The following RBFOX1 variants were observed in gnomAD, a reference collection of about 807,000 sequenced individuals.
RBFOX1 encodes the protein RNA binding protein fox-1 homolog 1.
RBFOX1 carries 8 observed loss-of-function variants against 57.7 expected under a neutral mutation model. The observed-to-expected ratio is 0.14, with a 90% confidence interval of 0.08 to 0.25. The LOEUF (loss-of-function observed/expected upper bound fraction) is 0.25, where lower values mean the gene tolerates loss of function less well. RBFOX1 is among the 10% of genes least tolerant of loss of function. RBFOX1 has a pLI of 1.00. For missense variants in RBFOX1, 611 were observed against 548.5 expected (o/e 1.11, Z -1.14); for synonymous variants, 326 against 222.4 (o/e 1.47, Z -4.15).
At chr16:6,924,026 C>CG (rs2075046609) in intron 3 of RBFOX1, among the ~76,000 whole-genome samples, 1 of 151,768 alleles carries the variant, frequency 6.6e-6, no homozygotes, top group Non-Finnish European at 1.5e-5. Context: ...AAACATTAGT[C>CG]AGGTATGGTG....
At chr16:5,447,683 A>G (rs1258897176) in intron 1 of RBFOX1, among the ~76,000 whole-genome samples, 3 of 152,194 alleles carry the variant, frequency 2.0e-5, no homozygotes, top group African/African-American at 7.2e-5. Context: ...GGCATGAGCC[A>G]CCGTGCCCGG....
chr16:5,327,414 A>T (rs1239514220), intron 1 of RBFOX1, among the ~76,000 whole-genome samples: 1 of 152,238 alleles, frequency 6.6e-6, no homozygotes, highest in African/African-American at 2.4e-5. Context: ...TTAAAATAGG[A>T]TGCATGCTTT....
intron 4 of RBFOX1, among the ~76,000 whole-genome samples, chr16:7,366,545 C>T (rs2097452809): frequency 1.3e-5 from 2 of 152,168 alleles, no homozygotes; most frequent in African/African-American, 2.4e-5. Context: ...CTCCCTGGTC[C>T]AACCATGGAG....
intron 4 of RBFOX1, among the ~76,000 whole-genome samples, chr16:7,248,306 C>A (rs1218062694): frequency 1.3e-5 from 2 of 152,210 alleles, no homozygotes; most frequent in South Asian, 4.1e-4. Context: ...ACTGCTCACT[C>A]CCTTCCTTGT....
At chr16:6,905,399 A>G (rs2069596380) in intron 3 of RBFOX1, among the ~76,000 whole-genome samples, 1 of 152,052 alleles carries the variant, frequency 6.6e-6, no homozygotes, top group East Asian at 1.9e-4. Flanking sequence ...CTAAAAATAC[A>G]AAAATTAACT....
chr16:5,663,821 A>C (rs141864736), intron 3 of RBFOX1, among the ~76,000 whole-genome samples: 1 of 152,208 alleles, frequency 6.6e-6, no homozygotes, highest in Non-Finnish European at 1.5e-5. Flanking sequence ...CGTCAAAGAC[A>C]TTCAAAAGGC....
intron 4 of RBFOX1, among the ~76,000 whole-genome samples, chr16:7,206,068 A>G (rs1479440686): frequency 3.9e-5 from 6 of 152,196 alleles, no homozygotes; most frequent in African/African-American, 1.4e-4. Context: ...GACTGACACT[A>G]GGAACTCAGT....
intron 4 of RBFOX1, among the ~76,000 whole-genome samples, chr16:7,154,030 G>A (rs1472498473): frequency 2.6e-5 from 4 of 152,132 alleles, no homozygotes; most frequent in African/African-American, 9.7e-5. Flanking sequence ...TATCATAGTT[G>A]TTTTTGTTAC....
chr16:6,701,714 G>C (rs531304361), intron 3 of RBFOX1, among the ~76,000 whole-genome samples: 2 of 152,274 alleles, frequency 1.3e-5, no homozygotes, highest in Non-Finnish European at 2.9e-5. Context: ...ATGCCCATCA[G>C]CAGTAGACTG....
intron 1 of RBFOX1, among the ~76,000 whole-genome samples, chr16:6,192,563 C>T (rs776671069): frequency 6.6e-6 from 1 of 152,088 alleles, no homozygotes; most frequent in East Asian, 1.9e-4. Flanking sequence ...TAAGGATGGT[C>T]ACTAAGCATC....
rs1433086350 is a variant in RBFOX1 at position 6,864,538 on chromosome 16, C to T, written c.-15-187519C>T. Among the ~76,000 whole-genome samples, 10 of 147,988 alleles carry T rather than the reference C, an allele frequency of 6.8e-5. No individual in the cohort carries two copies. The Admixed American group carries it at 6.8e-4, about 10-fold the overall frequency. On this transcript the variant is annotated intron_variant, in intron 3 of 15. Transcript: ENST00000550418. Reference sequence around the variant, plus strand: ...ATTTAGTTTTAAACCCCCCTATTCTCTCCTTCCTCTTTTTTTTTTTTTTTT... The same window carrying T: ...ATTTAGTTTTAAACCCCCCTATTCTTTCCTTCCTCTTTTTTTTTTTTTTTT...
At position 5,748,769 on chromosome 16, in the gene RBFOX1, C is replaced by T. The variant is rs534776126; in HGVS notation, c.319-118534C>T. Among the ~76,000 whole-genome samples, 7 of 152,214 alleles carry T rather than the reference C, an allele frequency of 4.6e-5. 1 individual carries two copies. Among genetic ancestry groups the T allele is most frequent in the Admixed American group, 4.6e-4 (7 of 15,288 alleles). ...TATTTTGAGCCTATGTGTGTCTCTG[C>T]ACATGAGATGGGTTTCCTGAATACA... On this transcript the variant is annotated intron_variant, in intron 3 of 19. Transcript: ENST00000641259.
At position 6,381,074 on chromosome 16, in the gene RBFOX1, A is replaced by C. The variant is rs144892482; in HGVS notation, c.-64+64017A>C. 4.0e-3 allele frequency among the ~76,000 whole-genome samples: 602 copies of C among 152,270 alleles called. 17 individuals are homozygous for C. The highest frequency in any genetic ancestry group is 0.03 in the Admixed American group (457 of 15,300). On this transcript the variant is annotated intron_variant, in intron 2 of 15. Coordinates refer to ENST00000550418, the MANE Select transcript of RBFOX1 (RefSeq NM_018723.4). ...GAGGAGATGCCTGTCAGTTTGGGGC[A>C]AGGGGATTTGGGAAGTTTTTGGAGG...
rs147361683 is a variant in RBFOX1 at position 6,702,902 on chromosome 16, C to T, written c.-16+48252C>T. 1.5e-3 allele frequency among the ~76,000 whole-genome samples: 227 copies of T among 152,288 alleles called. 6 individuals are homozygous for T. The East Asian group carries it at 0.041, about 27-fold the overall frequency. Reference sequence around the variant, plus strand: ...TTATCTTCCAAATGGAAACTTTGTACCTATGAGACATTAACTCCCCATTCT... The same window carrying T: ...TTATCTTCCAAATGGAAACTTTGTATCTATGAGACATTAACTCCCCATTCT... On this transcript the variant is annotated intron_variant, in intron 3 of 15. Transcript: ENST00000550418.
chr16:6,360,948 T>TTTTTA (rs71145217), intron 2 of RBFOX1, among the ~76,000 whole-genome samples: 20,499 of 150,250 alleles, frequency 0.14, 1,461 homozygotes, highest in South Asian at 0.16. Context: ...TTTCACATCT[T>TTTTTA]TTTTATTTTA....
At chr16:7,464,595 T>A (rs987237114) in intron 4 of RBFOX1, among the ~76,000 whole-genome samples, 10 of 151,966 alleles carry the variant, frequency 6.6e-5, no homozygotes, top group African/African-American at 2.2e-4. Flanking sequence ...CTCCATTTCG[T>A]CTTCTGTTAA....
At chr16:6,664,070 G>A (rs1236814402) in intron 3 of RBFOX1, among the ~76,000 whole-genome samples, 4 of 152,192 alleles carry the variant, frequency 2.6e-5, no homozygotes, top group African/African-American at 4.8e-5. Context: ...GGTGTGTAAA[G>A]ACAGTTTCTT....
intron 4 of RBFOX1, among the ~76,000 whole-genome samples, chr16:7,204,011 G>T (rs73539649): frequency 1.3e-5 from 2 of 152,186 alleles, no homozygotes; most frequent in African/African-American, 4.8e-5. Context: ...TAAGACTGTC[G>T]CAATCTTTAA....
At chr16:7,289,868 T>A (rs2095731016) in intron 4 of RBFOX1, among the ~76,000 whole-genome samples, 1 of 152,188 alleles carries the variant, frequency 6.6e-6, no homozygotes, top group African/African-American at 2.4e-5. Flanking sequence ...GCCACTCAGC[T>A]AGTATGCTGT....
Sources: gnomAD v4.1 joint callset for allele counts (sites outside exome capture counted in the v4.1 genomes callset) on GRCh38, gnomAD v4.1.1 for gene constraint, MANE v1.5 for transcripts, NCBI Gene and HGNC (gene_info 2026-07-23, HGNC 2026-07-21) for gene names.